The following ALMS1 variants were observed in gnomAD, a reference collection of about 807,000 sequenced individuals.
ALMS1 encodes centrosome-associated protein ALMS1.
Under a neutral mutation model 352.2 loss-of-function variants are expected in ALMS1, and 271 were observed. The ratio of observed to expected loss-of-function variants is 0.77; its 90% CI spans 0.70 to 0.85. The LOEUF is 0.85. Ranked by LOEUF, ALMS1 falls within the 40% of genes least tolerant of loss-of-function variation. The pLI, the probability that ALMS1 is intolerant of heterozygous loss-of-function variation, is 0.00. For missense variants in ALMS1, 5,445 were observed against 4,870.7 expected (o/e 1.12, Z -3.51); for synonymous variants, 1,865 against 1,761.2 (o/e 1.06, Z -1.48).
chr2:73,585,726 C>CTTTT lies in ALMS1; in HGVS notation c.11547+12314_11547+12317dup, dbSNP rs58089734. Among the ~76,000 whole-genome samples the CTTTT allele has an allele frequency of 2.7e-4, 32 of 119,540 alleles. 1 individual carries two copies. Among genetic ancestry groups the CTTTT allele is most frequent in the Non-Finnish European group, 5.1e-4 (31 of 60,638 alleles). The allele number at this position is 119,540 out of a possible 152,430, so 78.4% of individuals were successfully genotyped here. A position where few individuals can be genotyped will look rare whatever the true frequency, so the allele number is the denominator to read the frequency against. Reference sequence around the variant, plus strand: ...ATCATTTTTGCATACACTTCTTGGCCTTTTTTTTTTTTTTTCCCCGAGACG... The same window carrying CTTTT: ...ATCATTTTTGCATACACTTCTTGGCCTTTTTTTTTTTTTTTTTTTCCCCGAGACG... On this transcript the variant is annotated intron_variant, in intron 16 of 22. Coordinates refer to ENST00000613296, the MANE Select transcript of ALMS1 (RefSeq NM_001378454.1).
At chr2:73,587,988 A>C (rs1054567083) in intron 16 of ALMS1, among the ~76,000 whole-genome samples, 1 of 152,210 alleles carries the variant, frequency 6.6e-6, no homozygotes, top group South Asian at 2.1e-4. Context: ...GGAACTCCGA[A>C]CAGACCAATA....
At chr2:73,464,557 A>T (rs1204487155) in intron 9 of ALMS1, among the ~76,000 whole-genome samples, 2 of 152,156 alleles carry the variant, frequency 1.3e-5, no homozygotes, top group African/African-American at 4.8e-5. Context: ...GCCCTCTCTC[A>T]CCACTCCTAT....
chr2:73,536,799 A>G (rs1239833871), intron 12 of ALMS1, among the ~76,000 whole-genome samples: 3 of 152,222 alleles, frequency 2.0e-5, no homozygotes, highest in Non-Finnish European at 2.9e-5. Flanking sequence ...ATCCAAAGAA[A>G]GAGATAAATG....
Position 73,602,207 on chromosome 2 carries a change from C to G in ALMS1, c.12137C>G (p.Pro4046Arg), listed in dbSNP as rs751862434. Residue 4046 changes from proline to arginine, a missense_variant, in exon 20 of 23, where the codon CCT (proline) becomes CGT (arginine). By Grantham distance (103) the Pro-to-Arg change is moderately radical. Transcript: ENST00000613296. ...TAGGAATCGCTTCAGTTTCACAGAC[C>G]TGACTTCATCTCCCGCTCTGGGGAG... ...TLQESLQFHR[P>R]DFISRSGERI... 6.2e-7 allele frequency: 1 copy of G among 1,614,042 alleles called. No homozygotes were observed. Among genetic ancestry groups the G allele is most frequent in the Non-Finnish European group, 8.5e-7 (1 of 1,179,966 alleles).
In ALMS1 at chr2:73,450,105, C is replaced by T. The variant is rs200636395; in HGVS notation, c.3578C>T (p.Ser1193Leu). Residue 1193 changes from serine (S) to leucine (L), a missense_variant, in exon 8 of 23, where the codon TCA (serine) becomes TTA (leucine). Physicochemically the swap from Ser to Leu is moderately radical, Grantham distance 145 (BLOSUM62 -2). Transcript: ENST00000613296. ...CCAAGAGTACTTTCTACCTTCTACT[C>T]ACAAAGAGAGAAACCTGGTATTTTC... ...WIPRVLSTFY[S>L]QREKPGIFYQ... 7.7e-5 allele frequency: 125 copies of T among 1,614,030 alleles called. No individual in the cohort carries two copies. The highest frequency in any genetic ancestry group is 1.0e-4 in the Non-Finnish European group (120 of 1,179,962).
In ALMS1 at chr2:73,452,547, A is replaced by G. The variant is rs1047348249; in HGVS notation, c.6020A>G (p.Gln2007Arg). 8.1e-5 allele frequency: 131 copies of G among 1,613,996 alleles called. No homozygotes were observed. The highest frequency in any genetic ancestry group is 1.1e-4 in the Non-Finnish European group (125 of 1,180,008). ...KISTVHIPDD[Q>R]KTEFPAATLS... is the part of the protein sequence containing the mutation. ...TCAACTGTGCATATACCAGATGACC[A>G]GAAAACTGAGTTTCCAGCAGCTACC... The change falls in exon 8 of 23, where the codon CAG (glutamine) becomes CGG (arginine). Residue 2007 changes from glutamine (Q) to arginine (R), a missense_variant. Transcript: ENST00000613296.
chr2:73,400,996 AG>A (rs1670862912), intron 1 of ALMS1, among the ~76,000 whole-genome samples: 1 of 152,168 alleles, frequency 6.6e-6, no homozygotes, highest in Non-Finnish European at 1.5e-5. Flanking sequence ...CACTTTGGCC[AG>A]GCTGGTCTCA....
chr2:73,571,101 A>T (rs1674917607), intron 15 of ALMS1, among the ~76,000 whole-genome samples: 1 of 152,216 alleles, frequency 6.6e-6, no homozygotes, highest in African/African-American at 2.4e-5. Context: ...TTGCTAGATA[A>T]TTCTAAAATT....
intron 2 of ALMS1, among the ~76,000 whole-genome samples, chr2:73,409,355 C>G (rs1400528481): frequency 6.6e-6 from 1 of 151,970 alleles, no homozygotes; most frequent in East Asian, 1.9e-4. Flanking sequence ...TTAAGTGATC[C>G]TCTTGCCTCG....
chr2:73,424,408 A>T (rs769547673), intron 4 of ALMS1, 22 bp from the exon 5 acceptor site: 42 of 1,412,834 alleles, frequency 3.0e-5, no homozygotes, highest in Non-Finnish European at 3.8e-5. Context: ...TTATTTATTT[A>T]TTTTTAACTA....
rs55889738 is a variant in ALMS1, at chr2:73,385,903, TGGAGGAGGAGGA to T, written c.63_74del (p.Glu25_Glu28del). 1.5e-3 allele frequency: 1,062 copies of T among 701,228 alleles called. 3 individuals are homozygous for T. Among genetic ancestry groups the T allele is most frequent in the African/African-American group, 1.4e-3 (80 of 55,744 alleles). 43.4% of individuals were successfully genotyped at this position (701,228 alleles called of 1,614,324 possible). A position where few individuals can be genotyped will look rare whatever the true frequency, so the allele number is the denominator to read the frequency against. ...GAGGATCTGCCATGGCCGGGCGAGC[TGGAGGAGGAGGA>T]GGAGGAGGAGGAGGAGGAGGAGGAG... is the stretch of plus-strand genomic sequence containing the variant. On this transcript the variant is annotated inframe_deletion, in exon 1 of 23. Transcript: ENST00000613296.
chr2:73,514,480 A>G (rs1673516248), intron 10 of ALMS1, among the ~76,000 whole-genome samples: 3 of 152,048 alleles, frequency 2.0e-5, no homozygotes, highest in African/African-American at 7.2e-5. Flanking sequence ...GTTGTCATAT[A>G]TTTCTGTTCT....
chr2:73,438,895 C>T (rs770286872), intron 7 of ALMS1, among the ~76,000 whole-genome samples: 6 of 151,922 alleles, frequency 3.9e-5, no homozygotes, highest in African/African-American at 7.3e-5. Context: ...TGATCCTTTA[C>T]AATTATGTAA....
At chr2:73,491,955 A>C (rs1442489604) in intron 10 of ALMS1, among the ~76,000 whole-genome samples, 1 of 152,142 alleles carries the variant, frequency 6.6e-6, no homozygotes, top group Non-Finnish European at 1.5e-5. Flanking sequence ...TTTACAAAGA[A>C]AGTGGCTTTA....
intron 12 of ALMS1, among the ~76,000 whole-genome samples, chr2:73,549,469 A>G (rs1252490158): frequency 6.6e-6 from 1 of 152,184 alleles, no homozygotes; most frequent in Non-Finnish European, 1.5e-5. Flanking sequence ...ATTTTGTCCC[A>G]AACAACTATT....
intron 7 of ALMS1, among the ~76,000 whole-genome samples, chr2:73,446,926 TA>T (rs1177238088): frequency 6.6e-6 from 1 of 152,076 alleles, no homozygotes; most frequent in Non-Finnish European, 1.5e-5. Context: ...TCCCTATACG[TA>T]AAAAATAGAT....
intron 16 of ALMS1, among the ~76,000 whole-genome samples, chr2:73,576,237 G>A (rs1267776888): frequency 6.6e-6 from 1 of 152,168 alleles, no homozygotes; most frequent in Non-Finnish European, 1.5e-5. Context: ...AGTTTTGAAA[G>A]CAGGTAGTGT....
At chr2:73,588,102 T>C (rs1675348155) in intron 16 of ALMS1, among the ~76,000 whole-genome samples, 1 of 152,156 alleles carries the variant, frequency 6.6e-6, no homozygotes, top group Non-Finnish European at 1.5e-5. Context: ...CAAAGAAGAA[T>C]TGGTACAAAT....
chr2:73,558,039 G>T (rs971285164), intron 14 of ALMS1, among the ~76,000 whole-genome samples: 1 of 152,106 alleles, frequency 6.6e-6, no homozygotes, highest in Non-Finnish European at 1.5e-5. Flanking sequence ...AGAAAGGAAA[G>T]GAAAAAGCAC....
Sources: allele counts gnomAD v4.1 joint callset (sites outside exome capture counted in the v4.1 genomes callset), GRCh38; gene constraint gnomAD v4.1.1; transcripts MANE v1.5; gene names NCBI Gene and HGNC (gene_info 2026-07-23, HGNC 2026-07-21).